Variants in REXO1 observed in about 807,000 individuals in gnomAD.
REXO1 encodes RNA exonuclease 1 homolog.
In REXO1, 42 loss-of-function variants were observed where a neutral mutation model predicts 102.6. The ratio of observed to expected loss-of-function variants is 0.41; its 90% confidence interval spans 0.32 to 0.53. REXO1 has a LOEUF of 0.53. REXO1 is among the 20% of genes least tolerant of loss of function. The pLI, the probability that REXO1 is intolerant of heterozygous loss-of-function variation, is 0.27. For missense variants in REXO1, 1,819 were observed against 1,732.5 expected (o/e 1.05, Z -0.89); for synonymous variants, 908 against 779.1 (o/e 1.17, Z -2.76).
intron 5 of REXO1, 118 bp downstream of exon 5, chr19:1,821,401 T>G: frequency 1.8e-6 from 2 of 1,138,160 alleles, no homozygotes. Flanking sequence ...TGTACTGCGG[T>G]GTGGAGCACG....
At chr19:1,844,735 G>A (rs1194268962) in intron 1 of REXO1, among the ~76,000 whole-genome samples, 1 of 152,252 alleles carries the variant, frequency 6.6e-6, no homozygotes. Flanking sequence ...GAGGGCAGGA[G>A]CTGTGCGCCC....
In REXO1 at chr19:1,826,330, G is replaced by A. The variant is rs547440276; in HGVS notation, c.1912-387C>T. Among the ~76,000 whole-genome samples, 4 of 152,074 alleles carry A rather than the reference G, an allele frequency of 2.6e-5. No individual in the cohort carries two copies. Among genetic ancestry groups the A allele is most frequent in the Non-Finnish European group, 5.9e-5 (4 of 67,998 alleles). On this transcript the variant is annotated intron_variant, in intron 2 of 15. Transcript: ENST00000170168. This position sits in a 1 kb window ranked among gnomAD's most constrained non-coding sequence, Gnocchi z 4.3. ...CCAATTTGGGGACACGGGGCCAGGA[G>A]ACCCAGGGGTCCAGGGCTGGCCCAG...
At chr19:1,817,112 T>C in intron 12 of REXO1, 107 bp downstream of exon 12, 1 of 1,345,574 alleles carries the variant, frequency 7.4e-7, no homozygotes, top group Non-Finnish European at 1.0e-6. Flanking sequence ...AGAGAAACCC[T>C]GAGCGCTGGC....
intron 7 of REXO1, among the ~76,000 whole-genome samples, chr19:1,819,728 G>A (rs2069475882): frequency 1.3e-5 from 2 of 152,250 alleles, no homozygotes; most frequent in Admixed American, 6.5e-5. Flanking sequence ...GAGGAAGGCG[G>A]CTGACAGCGA....
Position 1,821,685 on chromosome 19 carries a change from G to A in REXO1, c.2231-3C>T, listed in dbSNP as rs2069546257. The A allele has an allele frequency of 1.2e-6, 2 of 1,609,426 alleles. No individual in the cohort carries two copies. Among genetic ancestry groups the A allele is most frequent in the East Asian group, 4.5e-5 (2 of 44,782 alleles). On this transcript the variant is annotated splice_region_variant and splice_polypyrimidine_tract_variant and intron_variant, in intron 4 of 15. Transcript: ENST00000170168. ...GGTCCTCTTGGCACCTGTGGGGGCT[G>A]GCGGGGCACAGGGGGTGTGGGCACA...
In REXO1 at chr19:1,820,066, C is replaced by T; in HGVS notation, c.2527-9G>A. 6.3e-7 allele frequency: 1 copy of T among 1,599,292 alleles called. No individual in the cohort carries two copies. Among genetic ancestry groups the T allele is most frequent in the East Asian group, 2.2e-5 (1 of 44,728 alleles). On this transcript the variant is annotated splice_polypyrimidine_tract_variant and intron_variant, in intron 6 of 15. Transcript: ENST00000170168. ...TTCTCCTCGTTCAGTGCCTGGGGGACAGGCGGTGCCCAGCTGAGGCCATGC... is the reference window on the plus strand; with the variant it reads ...TTCTCCTCGTTCAGTGCCTGGGGGATAGGCGGTGCCCAGCTGAGGCCATGC...
At chr19:1,846,724 C>A (rs889828780) in intron 1 of REXO1, among the ~76,000 whole-genome samples, 9 of 152,110 alleles carry the variant, frequency 5.9e-5, no homozygotes, top group African/African-American at 2.2e-4. Context: ...ACCCTATCTC[C>A]ACGAAAACAT....
chr19:1,816,925 ACT>A, intron 12 of REXO1, 112 bp from the exon 13 acceptor site: 1 of 822,784 alleles, frequency 1.2e-6, no homozygotes, highest in Non-Finnish European at 2.0e-6. Flanking sequence ...GTGACCAGAG[ACT>A]CTGTGGGACT....
At chr19:1,835,765 T>TCC (rs1221027893) in intron 1 of REXO1, among the ~76,000 whole-genome samples, 8 of 152,118 alleles carry the variant, frequency 5.3e-5, no homozygotes, top group African/African-American at 1.2e-4. Flanking sequence ...AGCTGCCCCT[T>TCC]CCTCCCTGCT....
At chr19:1,844,250 C>T (rs1048684824) in intron 1 of REXO1, among the ~76,000 whole-genome samples, 3 of 152,254 alleles carry the variant, frequency 2.0e-5, no homozygotes, top group African/African-American at 7.2e-5. Flanking sequence ...AGCAGCCTCC[C>T]GGCGCTGGGC....
chr19:1,847,037 T>C (rs1403264867), intron 1 of REXO1, among the ~76,000 whole-genome samples: 1 of 152,066 alleles, frequency 6.6e-6, no homozygotes, highest in African/African-American at 2.4e-5. Context: ...TGCTACGGGA[T>C]CTGTAGGCAC....
chr19:1,835,064 G>A (rs2070002687), intron 1 of REXO1: 2 of 311,720 alleles, frequency 6.4e-6, no homozygotes, highest in Non-Finnish European at 1.4e-5. Flanking sequence ...CAGAACAGGG[G>A]GTACGGCGTG....
intron 1 of REXO1, among the ~76,000 whole-genome samples, chr19:1,845,650 T>C (rs951262633): frequency 6.6e-6 from 1 of 152,150 alleles, no homozygotes; most frequent in Non-Finnish European, 1.5e-5. Flanking sequence ...GGTGATAAAG[T>C]GAGACCCTGT....
At chr19:1,844,910 G>A (rs993824501) in intron 1 of REXO1, among the ~76,000 whole-genome samples, 2 of 152,206 alleles carry the variant, frequency 1.3e-5, no homozygotes, top group South Asian at 2.1e-4. Flanking sequence ...CTGGGAGCAC[G>A]TTCCTGCCGG....
intron 10 of REXO1, 77 bp downstream of exon 10, chr19:1,818,405 G>T: frequency 8.8e-7 from 1 of 1,142,714 alleles, no homozygotes; most frequent in Non-Finnish European, 1.3e-6. Context: ...CCTTACCCCA[G>T]TTCTGGGGGC....
At chr19:1,818,401 C>T in intron 10 of REXO1, 81 bp downstream of exon 10, 1 of 1,080,994 alleles carries the variant, frequency 9.3e-7, no homozygotes. Context: ...AAAGCCTTAC[C>T]CCAGTTCTGG....
Position 1,816,775 on chromosome 19 carries a change from C to A in REXO1, c.3240G>T (p.Thr1080=), listed in dbSNP as rs754886342. The A allele has an allele frequency of 6.2e-7, 1 of 1,612,792 alleles. No homozygotes were observed. Among genetic ancestry groups the A allele is most frequent in the Admixed American group, 1.7e-5 (1 of 59,982 alleles). ...CCACGTGCACGTCCGTGTCGACCAC[C>A]GTGACGCGCGTCAGCTCCAGGCCAT... ...TTYGLELTRV[T]VVDTDVHVVY... The change falls in exon 13 of 16, where the codon ACG becomes ACT. Residue 1080 remains threonine (T), a synonymous_variant. Coordinates refer to ENST00000170168, the MANE Select transcript of REXO1 (RefSeq NM_020695.4).
At chr19:1,833,888 G>A (rs2069970736) in intron 1 of REXO1, among the ~76,000 whole-genome samples, 1 of 152,220 alleles carries the variant, frequency 6.6e-6, no homozygotes, top group African/African-American at 2.4e-5. Flanking sequence ...GGAGGAGCAA[G>A]GCCAGGTCAG....
rs1212154897 is a variant in REXO1, at chr19:1,848,360, G to T, written c.-2C>A. On this transcript the variant is annotated 5_prime_UTR_variant, in exon 1 of 16. Transcript: ENST00000170168. The stretch of plus-strand genomic sequence containing the variant: ...GAAGAAGCCAGTGGAGCGTAGCATG[G>T]TCCGTCCCGCGGCGGGGCCCCGGCC... 16 of 1,216,506 alleles carry T rather than the reference G, an allele frequency of 1.3e-5. No homozygotes were observed. Among genetic ancestry groups the T allele is most frequent in the Non-Finnish European group, 1.6e-5 (16 of 971,340 alleles). The allele number at this position is 1,216,506 out of a possible 1,614,324, so 75.4% of individuals were successfully genotyped here.
Sources: allele counts gnomAD v4.1 joint callset (sites outside exome capture counted in the v4.1 genomes callset), GRCh38; gene constraint gnomAD v4.1.1; non-coding constraint Gnocchi (gnomAD v3.1); transcripts MANE v1.5; gene names NCBI Gene and HGNC (gene_info 2026-07-23, HGNC 2026-07-21).